ESPN: variants seen among roughly 807,000 people sequenced by gnomAD.
The protein encoded by ESPN is espin, also known as autosomal recessive deafness type 36 protein.
A neutral mutation model predicts 77.7 loss-of-function variants in ESPN; 68 were observed. The ratio of observed to expected loss-of-function variants is 0.87; its 90% CI spans 0.72 to 1.07. The LOEUF is 1.07. Among genes scored for constraint, ESPN ranks in the 50% least tolerant of loss-of-function variants. ESPN has a pLI of 0.00. For missense variants in ESPN, 1,060 were observed against 1,239.0 expected (o/e 0.86, Z 2.17); for synonymous variants, 449 against 567.1 (o/e 0.79, Z 2.96).
chr1:6,451,127 G>A lies in ESPN; in HGVS notation c.1916-476G>A, dbSNP rs937935934. On this transcript the variant is annotated intron_variant, in intron 8 of 12. Coordinates refer to ENST00000645284, the MANE Select transcript of ESPN (RefSeq NM_031475.3). This position sits in a 1 kb window ranked among gnomAD's most constrained non-coding sequence, Gnocchi z 4.3. ...GGTGGGTACTGGCACTCTGGGGTCC[G>A]GACTTTATGTCCATGGAGGCCCCAA... Among the ~76,000 whole-genome samples, 10 of 152,278 alleles carry A rather than the reference G, an allele frequency of 6.6e-5. No individual in the cohort carries two copies. The highest frequency in any genetic ancestry group is 1.9e-4 in the East Asian group (1 of 5,184).
At chr1:6,446,410 G>A (rs983432696) in intron 7 of ESPN, among the ~76,000 whole-genome samples, 2 of 152,224 alleles carry the variant, frequency 1.3e-5, no homozygotes, top group African/African-American at 4.8e-5. Context: ...TGGGGGGAAG[G>A]TGAGCAGGCA....
At chr1:6,432,559 G>A (rs1457841001) in intron 2 of ESPN, among the ~76,000 whole-genome samples, 5 of 152,224 alleles carry the variant, frequency 3.3e-5, no homozygotes, top group African/African-American at 1.2e-4. Context: ...TCTAACCGGG[G>A]CTAGTGCCCC....
In ESPN at chr1:6,424,913, G is replaced by A. The variant is rs1233728198; in HGVS notation, c.-43G>A. The A allele has an allele frequency of 1.5e-5, 21 of 1,419,572 alleles. No homozygotes were observed. Among genetic ancestry groups the A allele is most frequent in the Non-Finnish European group, 1.9e-5 (21 of 1,088,736 alleles). 87.9% of individuals were successfully genotyped at this position (1,419,572 alleles called of 1,614,324 possible). A position where few individuals can be genotyped will look rare whatever the true frequency, so the allele number is the denominator to read the frequency against. On this transcript the variant is annotated 5_prime_UTR_variant, in exon 1 of 13. It introduces an in-frame stop codon into an upstream open reading frame of the 5' UTR. Coordinates refer to ENST00000645284, the MANE Select transcript of ESPN (RefSeq NM_031475.3). ...GCAAGAACACGTGCATGGCGTCCTG[G>A]GGAAGGCGCTGAGTGCGGAGTCGCG... is the stretch of plus-strand genomic sequence containing the variant.
chr1:6,440,602 C>G (rs762692209), intron 3 of ESPN, 24 bp from the exon 4 acceptor site: 4 of 1,256,478 alleles, frequency 3.2e-6, no homozygotes, highest in South Asian at 1.3e-5. Flanking sequence ...CCCCCGCCCC[C>G]CTCTCCCCGC....
intron 10 of ESPN, among the ~76,000 whole-genome samples, chr1:6,452,361 C>T (rs1268933192): frequency 3.3e-5 from 5 of 152,014 alleles, no homozygotes; most frequent in African/African-American, 7.3e-5. Context: ...CCTGCCACCA[C>T]GCCCAGCTAA....
intron 2 of ESPN, among the ~76,000 whole-genome samples, chr1:6,431,041 T>G (rs781227179): frequency 5.3e-5 from 8 of 152,220 alleles, no homozygotes; most frequent in Non-Finnish European, 1.0e-4. Context: ...GAGCTCACTC[T>G]GTCCCCCTCA....
chr1:6,430,227 C>T (rs539080128), intron 2 of ESPN, among the ~76,000 whole-genome samples: 46 of 152,318 alleles, frequency 3.0e-4, no homozygotes, highest in African/African-American at 1.1e-3. Context: ...TGCTGTGAAT[C>T]GTTGTGAATT....
downstream of ESPN, chr1:6,461,119 C>CTTA: frequency 1.7e-6 from 1 of 588,686 alleles, no homozygotes; most frequent in Admixed American, 2.2e-5. This position sits in a 1 kb window ranked among gnomAD's most constrained non-coding sequence, Gnocchi z 6.3. Flanking sequence ...GTCCACTTAA[C>CTTA]ACCCCAGCCC....
At chr1:6,443,864 C>T (rs757064635) in intron 5 of ESPN, among the ~76,000 whole-genome samples, 2 of 151,030 alleles carry the variant, frequency 1.3e-5, no homozygotes, top group Non-Finnish European at 2.9e-5. Flanking sequence ...TAAGCAGGGC[C>T]CCCACCACAG....
At chr1:6,439,620 A>T (rs956965584) in intron 2 of ESPN, among the ~76,000 whole-genome samples, 1 of 152,182 alleles carries the variant, frequency 6.6e-6, no homozygotes, top group Non-Finnish European at 1.5e-5. Flanking sequence ...ACACAATGAA[A>T]GGGATAGAGG....
Position 6,428,510 on chromosome 1 carries a change from A to G in ESPN, c.488+91A>G, listed in dbSNP as rs1643123966. Reference sequence around the variant, plus strand: ...ATTTTCCACGCCTCTCTGGCACTCCAGGGCAATGATCCCTCCAGTGGCCAT... The same window carrying G: ...ATTTTCCACGCCTCTCTGGCACTCCGGGGCAATGATCCCTCCAGTGGCCAT... On this transcript the variant is annotated intron_variant, in intron 2 of 12. Transcript: ENST00000645284. The surrounding 1 kb of genome is among the most constrained non-coding windows in gnomAD (Gnocchi z 5.4). 4 of 1,160,440 alleles carry G rather than the reference A, an allele frequency of 3.4e-6. No individual in the cohort carries two copies. The East Asian group carries it at 7.5e-5, about 22-fold the overall frequency. The allele number at this position is 1,160,440 out of a possible 1,614,324, so 71.9% of individuals were successfully genotyped here.
chr1:6,445,798 C>T lies in ESPN; in HGVS notation c.1327C>T (p.Pro443Ser). ...PPPSFPPPPP[P>S]PGTQLPPPPP... Reference sequence around the variant, plus strand: ...ACCCAGCTTCCCCCCGCCACCCCCGCCCCCAGGCACCCAACTGCCCCCACC... The same window carrying T: ...ACCCAGCTTCCCCCCGCCACCCCCGTCCCCAGGCACCCAACTGCCCCCACC... The change falls in exon 7 of 13, where the codon CCC becomes TCC. Residue 443 changes from proline (P) to serine (S), a missense_variant. Physicochemically the swap from Pro to Ser is moderately conservative, Grantham distance 74. Around this residue, in one of 3 missense-constraint regions of ESPN, gnomAD observed 130 missense variants for 223.9 expected, o/e 0.58. Coordinates refer to ENST00000645284, the MANE Select transcript of ESPN (RefSeq NM_031475.3). The T allele has an allele frequency of 2.1e-6, 3 of 1,398,106 alleles. No homozygotes were observed. Among genetic ancestry groups the T allele is most frequent in the Non-Finnish European group, 3.0e-6 (3 of 1,012,878 alleles). 86.6% of individuals were successfully genotyped at this position (1,398,106 alleles called of 1,614,324 possible).
rs570991751 is a variant in ESPN, at chr1:6,440,209, G to C, written c.489-45G>C. 63 of 1,532,736 alleles carry C rather than the reference G, an allele frequency of 4.1e-5. No individual in the cohort carries two copies. The African/African-American group carries it at 4.4e-4, about 11-fold the overall frequency. The allele number at this position is 1,532,736 out of a possible 1,614,324, so 94.9% of individuals were successfully genotyped here. On this transcript the variant is annotated intron_variant, in intron 2 of 12. Coordinates refer to ENST00000645284, the MANE Select transcript of ESPN (RefSeq NM_031475.3). ...GGGGGCGGGTAAGAAGGCCTCGGAG[G>C]GGGTGAGGCGCTGAAAGCCCACGGT...
rs891000639 is a variant in ESPN at position 6,450,103 on chromosome 1, A to C, written c.1915+1012A>C. 6.6e-6 allele frequency among the ~76,000 whole-genome samples: 1 copy of C among 152,078 alleles called. No homozygotes were observed. Among genetic ancestry groups the C allele is most frequent in the African/African-American group, 2.4e-5 (1 of 41,394 alleles). Reference sequence around the variant, plus strand: ...GCTGAAGCTAAGGGCAGAGAAAAACATACTCTGGGCTTCCCGAGACACCCT... The same window carrying C: ...GCTGAAGCTAAGGGCAGAGAAAAACCTACTCTGGGCTTCCCGAGACACCCT... On this transcript the variant is annotated intron_variant, in intron 8 of 12. Transcript: ENST00000645284. This position sits in a 1 kb window ranked among gnomAD's most constrained non-coding sequence, Gnocchi z 4.3.
chr1:6,457,142 C>G, intron 10 of ESPN, 42 bp from the exon 11 acceptor site: 3 of 1,556,476 alleles, frequency 1.9e-6, no homozygotes, highest in Non-Finnish European at 8.7e-7. Context: ...CCCCCTATCT[C>G]CCAGCCCCTG....
intron 2 of ESPN, among the ~76,000 whole-genome samples, chr1:6,431,628 C>CAAAAAAAAA (rs760363517): frequency 1.6e-5 from 1 of 61,756 alleles, no homozygotes. Flanking sequence ...AAGATTCTGT[C>CAAAAAAAAA]AAAAAAAAAA....
At chr1:6,446,587 G>A (rs1387222447) in intron 7 of ESPN, among the ~76,000 whole-genome samples, 1 of 152,198 alleles carries the variant, frequency 6.6e-6, no homozygotes, top group Non-Finnish European at 1.5e-5. Context: ...AGGGATGTCT[G>A]GGGCCTGCAG....
intron 10 of ESPN, chr1:6,455,204 G>A (rs1644029442): frequency 2.6e-6 from 1 of 388,888 alleles, no homozygotes; most frequent in South Asian, 1.3e-4. Context: ...CTGAGCCCGA[G>A]CAGCTGGCGC....
rs1471421648 is a variant in ESPN at position 6,427,631 on chromosome 1, C to T, written c.295-595C>T. ...GGCTGCTCCTGTGGCTGGGCACTGG[C>T]GAGTCTGCTGGGGGAGGGGCCGGTT... On this transcript the variant is annotated intron_variant, in intron 1 of 12. Transcript: ENST00000645284. This position sits in a 1 kb window ranked among gnomAD's most constrained non-coding sequence, Gnocchi z 4.6. 6.6e-6 allele frequency among the ~76,000 whole-genome samples: 1 copy of T among 152,190 alleles called. No individual in the cohort carries two copies. Among genetic ancestry groups the T allele is most frequent in the South Asian group, 2.1e-4 (1 of 4,816 alleles).
Sources: gnomAD v4.1 joint callset for allele counts (sites outside exome capture counted in the v4.1 genomes callset) on GRCh38, gnomAD v4.1.1 for gene constraint, gnomAD v4.1.1 regional missense constraint, Gnocchi (gnomAD v3.1) non-coding constraint, MANE v1.5 for transcripts, NCBI Gene and HGNC (gene_info 2026-07-23, HGNC 2026-07-21) for gene names.